Variants in WDR24 observed in about 807,000 individuals in gnomAD.
WDR24 encodes the protein GATOR2 complex protein WDR24.
Under a neutral mutation model 66.7 loss-of-function variants are expected in WDR24, and 32 were observed. The observed-to-expected ratio is 0.48, with a 90% CI of 0.36 to 0.64. WDR24 has a LOEUF of 0.64. WDR24 is among the 30% of genes least tolerant of loss of function. WDR24 has a pLI of 0.00. For missense variants in WDR24, 978 were observed against 1,144.1 expected (o/e 0.85, Z 2.09); for synonymous variants, 565 against 469.1 (o/e 1.20, Z -2.64).
Position 689,500 on chromosome 16 carries a change from G to T in WDR24, c.141C>A (p.Ser47Arg). ...CCTCGATGGCATAGATCTTGAAGAT[G>T]CTACGGCCTGCCACGACCACCTGGG... ...DAAQVVVAGR[S>R]IFKIYAIEEE... The change falls in exon 1 of 9, where the codon AGC becomes AGA. Residue 47 changes from serine to arginine, a missense_variant. Physicochemically the swap from Ser to Arg is moderately radical, Grantham distance 110 (BLOSUM62 -1). Transcript: ENST00000293883. 6.2e-7 allele frequency: 1 copy of T among 1,613,326 alleles called. No individual in the cohort carries two copies. The highest frequency in any genetic ancestry group is 8.5e-7 in the Non-Finnish European group (1 of 1,180,052).
At position 685,963 on chromosome 16, in the gene WDR24, C is replaced by T. The variant is rs1567293044; in HGVS notation, c.1479G>A (p.Gly493=). ...GGTCCAGCCGCGTCTCACTGCCCAA[C>T]CCTGGGGCCATATCCTTCAGGTTGA... ...NSFNLKDMAP[G]LGSETRLDRS... is the part of the protein sequence containing the mutation. Residue 493 remains glycine (G), a synonymous_variant, in exon 5 of 9, where the codon GGG becomes GGA. Transcript: ENST00000293883. 3 of 1,613,160 alleles carry T rather than the reference C, an allele frequency of 1.9e-6. No individual in the cohort carries two copies. Among genetic ancestry groups the T allele is most frequent in the East Asian group, 2.2e-5 (1 of 44,880 alleles).
chr16:690,045 C>T lies in WDR24; in HGVS notation c.-405G>A. On this transcript the variant is annotated 5_prime_UTR_variant, in exon 1 of 9. Transcript: ENST00000293883. ...CAATCCCAGCAGGGGAGCGAGGAGACTCCCGCCGTCCACACTGTCAGCCCT... is the reference window on the plus strand; with the variant it reads ...CAATCCCAGCAGGGGAGCGAGGAGATTCCCGCCGTCCACACTGTCAGCCCT... 2.1e-6 allele frequency: 1 copy of T among 475,520 alleles called. No individual in the cohort carries two copies. Among genetic ancestry groups the T allele is most frequent in the Non-Finnish European group, 4.2e-6 (1 of 239,976 alleles). 29.5% of individuals were successfully genotyped at this position (475,520 alleles called of 1,614,324 possible).
At chr16:689,095 C>T in intron 1 of WDR24, 65 bp downstream of exon 1, 1 of 1,585,524 alleles carries the variant, frequency 6.3e-7, no homozygotes. Flanking sequence ...CCTTTTCCGC[C>T]TGCATGGACA....
chr16:684,957 G>A, intron 8 of WDR24, 35 bp downstream of exon 8: 1 of 1,537,410 alleles, frequency 6.5e-7, no homozygotes, highest in South Asian at 1.2e-5. Context: ...GCTGCCTGCA[G>A]GCCCCTGCCC....
At chr16:688,642 G>A (rs1368594728) in intron 1 of WDR24, among the ~76,000 whole-genome samples, 1 of 152,226 alleles carries the variant, frequency 6.6e-6, no homozygotes, top group Non-Finnish European at 1.5e-5. Flanking sequence ...TGAGGGCTCC[G>A]CCTTGTGCTT....
At chr16:686,245 C>T in intron 3 of WDR24, 59 bp from the exon 4 acceptor site, 2 of 1,562,124 alleles carry the variant, frequency 1.3e-6, no homozygotes, top group Non-Finnish European at 1.7e-6. Flanking sequence ...CCATGCAGGT[C>T]CCTCTCTGCC....
intron 3 of WDR24, 93 bp downstream of exon 3, chr16:686,651 G>C (rs1048196949): frequency 7.0e-7 from 1 of 1,438,580 alleles, no homozygotes; most frequent in African/African-American, 1.4e-5. Context: ...AGTCCATTGC[G>C]GAGCTTGAGG....
chr16:686,519 G>A lies in WDR24; in HGVS notation c.1332+225C>T, dbSNP rs891978728. Among the ~76,000 whole-genome samples the A allele has an allele frequency of 2.0e-5, 3 of 151,752 alleles. No individual in the cohort carries two copies. The South Asian group carries it at 6.3e-4, about 32-fold the overall frequency. On this transcript the variant is annotated intron_variant, in intron 3 of 8. Transcript: ENST00000293883. ...GAAGAACAGAGAGCTTGAGCCACAC[G>A]ACTCCCGAGACCCCCGCCCCTCAGA...
Position 685,130 on chromosome 16 carries a change from A to C in WDR24, c.2066T>G (p.Leu689Arg), listed in dbSNP as rs1180352764. Reference protein sequence around the residue: ...SYIDLLQRFRLWNVSNEVVKL... With the variant: ...SYIDLLQRFRRWNVSNEVVKL... The stretch of plus-strand genomic sequence containing the variant: ...GACCACCTCGTTGGACACGTTCCAG[A>C]GGCGGAAGCGCTGCAGCAGGTCGAT... The change falls in exon 8 of 9, where the codon CTC (leucine) becomes CGC (arginine). Residue 689 changes from leucine (L) to arginine (R), a missense_variant. Around this residue, in one of 2 missense-constraint regions of WDR24, gnomAD observed 676 missense variants for 617.5 expected, o/e 1.09. Transcript: ENST00000293883. 1.9e-6 allele frequency: 3 copies of C among 1,561,574 alleles called. No homozygotes were observed. In the East Asian group the frequency reaches 7.2e-5, roughly 38 times the overall value.
chr16:686,843 C>G lies in WDR24; in HGVS notation c.1233G>C (p.Trp411Cys). The G allele has an allele frequency of 6.2e-7, 1 of 1,611,582 alleles. No homozygotes were observed. The highest frequency in any genetic ancestry group is 8.5e-7 in the Non-Finnish European group (1 of 1,179,840). Residue 411 changes from tryptophan (W) to cysteine (C), a missense_variant, in exon 3 of 9, where the codon TGG becomes TGC. Physicochemically the swap from Trp to Cys is radical, Grantham distance 215 (BLOSUM62 -2). This residue lies in a region of WDR24 where 676 missense variants were observed against 617.5 expected (regional missense o/e 1.09). Transcript: ENST00000293883. ...ETEPGGGGMR[W>C]FVDTAERYAL... ...CATAACGCTCAGCTGTGTCCACAAA[C>G]CAGCGCATGCCGCCGCCACCTGGCT...
At chr16:688,541 C>T (rs893088496) in intron 1 of WDR24, among the ~76,000 whole-genome samples, 1 of 152,240 alleles carries the variant, frequency 6.6e-6, no homozygotes, top group Non-Finnish European at 1.5e-5. Context: ...ATCGGCCTGC[C>T]TCGGCCTCCC....
chr16:685,514 G>A lies in WDR24; in HGVS notation c.1762C>T (p.Leu588=), dbSNP rs575803965. The A allele has an allele frequency of 1.6e-5, 26 of 1,592,436 alleles. No individual in the cohort carries two copies. The African/African-American group carries it at 3.1e-4, about 19-fold the overall frequency. ...IVDTPPGPEH[L]QDKADSPHVS... ...TGCGGGGAGTCGGCCTTGTCCTGCA[G>A]GTGCTCGGGCCCGGGAGGCGTGTCC... The change falls in exon 7 of 9, where the codon CTG becomes TTG. Residue 588 remains leucine, a synonymous_variant. Transcript: ENST00000293883.
In WDR24 at chr16:689,533, G is replaced by A. The variant is rs776365962; in HGVS notation, c.108C>T (p.Arg36=). The part of the protein sequence containing the change: ...DAPANAISVC[R]DAAQVVVAGR... ...CTGCCACGACCACCTGGGCTGCGTCGCGGCACACACTGATGGCATTGGCGG... is the reference window on the plus strand; with the variant it reads ...CTGCCACGACCACCTGGGCTGCGTCACGGCACACACTGATGGCATTGGCGG... The change falls in exon 1 of 9, where the codon CGC becomes CGT. Residue 36 remains arginine, a synonymous_variant. Coordinates refer to ENST00000293883, the MANE Select transcript of WDR24 (RefSeq NM_032259.4). 5.6e-6 allele frequency: 9 copies of A among 1,613,112 alleles called. No homozygotes were observed. The highest frequency in any genetic ancestry group is 1.1e-5 in the South Asian group (1 of 91,090).
intron 1 of WDR24, chr16:687,942 C>T (rs575160798): frequency 1.9e-5 from 14 of 719,740 alleles, no homozygotes; most frequent in African/African-American, 1.6e-4. Flanking sequence ...CAGGACACCA[C>T]GTGATTTGTA....
At position 685,450 on chromosome 16, in the gene WDR24, G is replaced by A. The variant is rs1188556411; in HGVS notation, c.1826C>T (p.Pro609Leu). The change falls in exon 7 of 9, where the codon CCC becomes CTC. Residue 609 changes from proline to leucine, a missense_variant. Physicochemically the swap from Pro to Leu is moderately conservative, Grantham distance 98 (BLOSUM62 -3). Coordinates refer to ENST00000293883, the MANE Select transcript of WDR24 (RefSeq NM_032259.4). ...GSEADVASLA[P>L]VDSSFSLLSV... The stretch of plus-strand genomic sequence containing the variant: ...CAGGAGCGAGAAGGAGGAGTCCACG[G>A]GGGCCAGGGAGGCCACATCCGCCTC... 1.2e-6 allele frequency: 2 copies of A among 1,607,146 alleles called. No homozygotes were observed. Among genetic ancestry groups the A allele is most frequent in the African/African-American group, 2.7e-5 (2 of 74,830 alleles).
In WDR24 at chr16:687,215, G is replaced by A. The variant is rs536687604; in HGVS notation, c.861C>T (p.Phe287=). 1.3e-5 allele frequency: 21 copies of A among 1,612,586 alleles called. No individual in the cohort carries two copies. The highest frequency in any genetic ancestry group is 6.6e-5 in the South Asian group (6 of 91,090). Residue 287 remains phenylalanine, a synonymous_variant, in exon 3 of 9, where the codon TTC becomes TTT. Coordinates refer to ENST00000293883, the MANE Select transcript of WDR24 (RefSeq NM_032259.4). ...GTTCCTCAAACATGGCAGCTGGCAC[G>A]AAGGGCCGGCGCACGTCCCAAACAT... The part of the protein sequence containing the change: ...NIYVWDVRRP[F]VPAAMFEEHR...
At chr16:686,684 G>C in intron 3 of WDR24, 60 bp downstream of exon 3, 2 of 1,521,434 alleles carry the variant, frequency 1.3e-6, no homozygotes, top group Non-Finnish European at 1.8e-6. Flanking sequence ...AGCTGACGGA[G>C]GAACCAGCCC....
chr16:686,683 A>T, intron 3 of WDR24, 61 bp downstream of exon 3: 3 of 1,519,946 alleles, frequency 2.0e-6, no homozygotes, highest in Non-Finnish European at 2.7e-6. Context: ...CAGCTGACGG[A>T]GGAACCAGCC....
intron 3 of WDR24, 87 bp downstream of exon 3, chr16:686,657 T>G (rs769338975): frequency 1.6e-4 from 239 of 1,457,438 alleles, no homozygotes; most frequent in Non-Finnish European, 2.2e-4. Flanking sequence ...TTGCGGAGCT[T>G]GAGGTGGGGT....
Sources: allele counts gnomAD v4.1 joint callset (sites outside exome capture counted in the v4.1 genomes callset), GRCh38; gene constraint gnomAD v4.1.1; regional missense constraint gnomAD v4.1.1; transcripts MANE v1.5; gene names NCBI Gene and HGNC (gene_info 2026-07-23, HGNC 2026-07-21).